The following GNB3 variants were observed in gnomAD, a reference collection of about 807,000 sequenced individuals.
The protein encoded by GNB3 is G protein subunit beta 3, also known as guanine nucleotide-binding protein G(I)/G(S)/G(T) subunit beta-3.
Under a neutral mutation model 41.2 loss-of-function variants are expected in GNB3, and 33 were observed. The ratio of observed to expected loss-of-function variants is 0.80; its 90% CI spans 0.61 to 1.07. The LOEUF (loss-of-function observed/expected upper bound fraction) is 1.07, where lower values mean the gene tolerates loss of function less well. GNB3 is among the 50% of genes least tolerant of loss of function. The probability of loss-of-function intolerance (pLI) is 0.00; values close to 1 mark genes in which losing one functional copy is unlikely to be tolerated. For synonymous variants in GNB3, 172 were observed against 173.4 expected (o/e 0.99, Z 0.06); for missense variants, 409 against 455.3 (o/e 0.90, Z 0.92).
chr12:6,845,292 G>A (rs932954631), intron 8 of GNB3: 22 of 366,866 alleles, frequency 6.0e-5, no homozygotes, highest in East Asian at 4.6e-4. Context: ...GACAACCTCC[G>A]TCCGCCCTTC....
At position 6,843,500 on chromosome 12, in the gene GNB3, C is replaced by T; in HGVS notation, c.405C>T (p.Val135=). ...AATCCCGTGAGGGCAATGTCAAGGT[C>T]AGCCGGGAGCTTTCTGCTCACACAG... ...NLKSREGNVK[V]SRELSAHTGY... The change falls in exon 6 of 10, where the codon GTC becomes GTT. Residue 135 remains valine (V), a synonymous_variant. Coordinates refer to ENST00000229264, the MANE Select transcript of GNB3 (RefSeq NM_002075.4). The surrounding 1 kb of genome is among the most constrained non-coding windows in gnomAD (Gnocchi z 5.9). 2 of 1,614,208 alleles carry T rather than the reference C, an allele frequency of 1.2e-6. No homozygotes were observed. Among genetic ancestry groups the T allele is most frequent in the South Asian group, 1.1e-5 (1 of 91,090 alleles).
rs781969524 is a variant in GNB3 at position 6,847,199 on chromosome 12, C to T, written c.*301C>T. On this transcript the variant is annotated 3_prime_UTR_variant, in exon 10 of 10. Coordinates refer to ENST00000229264, the MANE Select transcript of GNB3 (RefSeq NM_002075.4). ...CTTTGCAGGCCCAGCAGACTTGAGTCTGAGGCCCCAGGCCCTAGGATTCCT... is the reference window on the plus strand; with the variant it reads ...CTTTGCAGGCCCAGCAGACTTGAGTTTGAGGCCCCAGGCCCTAGGATTCCT... The T allele has an allele frequency of 2.1e-4, 77 of 373,810 alleles. No homozygotes were observed. Among genetic ancestry groups the T allele is most frequent in the Non-Finnish European group, 3.5e-4 (71 of 200,588 alleles). 23.2% of individuals were successfully genotyped at this position (373,810 alleles called of 1,614,324 possible). A position where few individuals can be genotyped will look rare whatever the true frequency, so the allele number is the denominator to read the frequency against.
Position 6,841,242 on chromosome 12 carries a change from C to A in GNB3, c.-30-16C>A. The stretch of plus-strand genomic sequence containing the variant: ...TGGTGGGGGGTTCCTCAACACCGAC[C>A]CCATGTTCCTGGCAGGAGCCAGAGT... On this transcript the variant is annotated splice_polypyrimidine_tract_variant and intron_variant, in intron 1 of 9. Coordinates refer to ENST00000229264, the MANE Select transcript of GNB3 (RefSeq NM_002075.4). 1 of 1,552,372 alleles carries A rather than the reference C, an allele frequency of 6.4e-7. No homozygotes were observed. The highest frequency in any genetic ancestry group is 8.9e-7 in the Non-Finnish European group (1 of 1,129,468).
chr12:6,841,064 C>T lies in GNB3; in HGVS notation c.-31+31C>T, dbSNP rs532835466. ...AGGGAGCTGGCCTGGGCTCTGCTCT[C>T]CTGGGCTGGGGCGCAGGCAGGGCTC... On this transcript the variant is annotated intron_variant, in intron 1 of 9. Transcript: ENST00000229264. 13 of 591,802 alleles carry T rather than the reference C, an allele frequency of 2.2e-5. 1 individual carries two copies. The highest frequency in any genetic ancestry group is 1.8e-4 in the African/African-American group (9 of 49,152). 36.7% of individuals were successfully genotyped at this position (591,802 alleles called of 1,614,324 possible). A position where few individuals can be genotyped will look rare whatever the true frequency, so the allele number is the denominator to read the frequency against.
rs1943678216 is a variant in GNB3 at position 6,845,661 on chromosome 12, C to T, written c.775C>T (p.Gln259Ter). 1 of 1,614,020 alleles carries T rather than the reference C, an allele frequency of 6.2e-7. No homozygotes were observed. ...CCGCTTGTTTGACCTGCGGGCAGAC[C>T]AGGAGCTGATCTGCTTCTCCCACGA... ...SCRLFDLRAD[Q>*]ELICFSHESI... Residue 259 changes from glutamine (Q) to a stop codon, truncating the protein, a stop_gained, in exon 9 of 10, where the codon CAG (glutamine) becomes TAG (stop). Coordinates refer to ENST00000229264, the MANE Select transcript of GNB3 (RefSeq NM_002075.4). LOFTEE classifies it high-confidence loss of function.
rs367621075 is a variant in GNB3 at position 6,846,918 on chromosome 12, G to A, written c.*20G>A. The A allele has an allele frequency of 2.8e-5, 39 of 1,375,634 alleles. No homozygotes were observed. The highest frequency in any genetic ancestry group is 4.0e-5 in the Non-Finnish European group (39 of 982,042). The allele number at this position is 1,375,634 out of a possible 1,614,324, so 85.2% of individuals were successfully genotyped here. On this transcript the variant is annotated 3_prime_UTR_variant, in exon 10 of 10. Transcript: ENST00000229264. Reference sequence around the variant, plus strand: ...AACTGAGGAGGCTGGAGAAAGGGAAGTGGAAGGCAGTGAACACACTCAGCA... The same window carrying A: ...AACTGAGGAGGCTGGAGAAAGGGAAATGGAAGGCAGTGAACACACTCAGCA...
chr12:6,841,657 TG>T, intron 3 of GNB3, 33 bp downstream of exon 3: 5 of 1,571,052 alleles, frequency 3.2e-6, no homozygotes, highest in East Asian at 2.3e-5. Context: ...AGGCAGGGCA[TG>T]GGGGGAGGGG....
At chr12:6,842,859 G>A in intron 3 of GNB3, 111 bp from the exon 4 acceptor site, 1 of 655,976 alleles carries the variant, frequency 1.5e-6, no homozygotes, top group Non-Finnish European at 2.6e-6. Context: ...AAGGCTGGGG[G>A]CCTGACCTAG....
In GNB3 at chr12:6,846,786, C is replaced by T. The variant is rs1194594740; in HGVS notation, c.917-6C>T. 1 of 1,553,314 alleles carries T rather than the reference C, an allele frequency of 6.4e-7. No homozygotes were observed. The highest frequency in any genetic ancestry group is 1.2e-5 in the South Asian group (1 of 85,698). ...AGACAGGCTGACTCCTTTCCCTCTT[C>T]CTCAGGCATCCTCTCTGGCCACGAT... On this transcript the variant is annotated splice_polypyrimidine_tract_variant and splice_region_variant and intron_variant, in intron 9 of 9. Coordinates refer to ENST00000229264, the MANE Select transcript of GNB3 (RefSeq NM_002075.4).
At chr12:6,846,018 A>C in intron 9 of GNB3, 6 of 552,696 alleles carry the variant, frequency 1.1e-5, no homozygotes, top group Admixed American at 3.1e-5. Context: ...CCACTGCCCA[A>C]TGCCATGACT....
At chr12:6,846,552 G>A (rs1328776647) in intron 9 of GNB3, 1 of 413,086 alleles carries the variant, frequency 2.4e-6, no homozygotes. Flanking sequence ...CAGTCTCTTA[G>A]CCTTCTTCAG....
At chr12:6,842,268 G>T (rs1437673010) in intron 3 of GNB3, among the ~76,000 whole-genome samples, 2 of 152,170 alleles carry the variant, frequency 1.3e-5, no homozygotes, top group Non-Finnish European at 2.9e-5. Flanking sequence ...AACAAAGCAG[G>T]CCGGGCGCAG....
rs782463476 is a variant in GNB3, at chr12:6,841,626, T to G, written c.96+2T>G. 9 of 1,611,128 alleles carry G rather than the reference T, an allele frequency of 5.6e-6. No individual in the cohort carries two copies. The African/African-American group carries it at 1.2e-4, about 22-fold the overall frequency. On this transcript the variant is annotated splice_donor_variant, in intron 3 of 9. Transcript: ENST00000229264. LOFTEE classifies it high-confidence loss of function. ...TGTGCTGACGTTACTCTGGCAGAGG[T>G]AAGACCCCCTGTCCCCCGGAAGGCA... is the stretch of plus-strand genomic sequence containing the variant.
rs781906487 is a variant in GNB3 at position 6,843,993 on chromosome 12, C to G, written c.699+15C>G. 1.3e-6 allele frequency: 2 copies of G among 1,587,274 alleles called. No individual in the cohort carries two copies. The highest frequency in any genetic ancestry group is 1.3e-5 in the African/African-American group (1 of 74,566). The stretch of plus-strand genomic sequence containing the variant: ...ACGCCATCTGTGTGAGTGCACCCCC[C>G]ACCCCAGCTTCACTCCAACTCCTTC... On this transcript the variant is annotated intron_variant, in intron 8 of 9. Transcript: ENST00000229264. This position sits in a 1 kb window ranked among gnomAD's most constrained non-coding sequence, Gnocchi z 5.9.
At position 6,843,487 on chromosome 12, in the gene GNB3, G is replaced by T. The variant is rs1943615283; in HGVS notation, c.392G>T (p.Gly131Val). 1 of 1,614,176 alleles carries T rather than the reference G, an allele frequency of 6.2e-7. No individual in the cohort carries two copies. Among genetic ancestry groups the T allele is most frequent in the East Asian group, 2.2e-5 (1 of 44,886 alleles). The change falls in exon 6 of 10, where the codon GGC becomes GTC. Residue 131 changes from glycine (G) to valine (V), a missense_variant. Gly to Val is a moderately radical substitution (Grantham distance 109). Transcript: ENST00000229264. The surrounding 1 kb of genome is among the most constrained non-coding windows in gnomAD (Gnocchi z 5.9). ...ATCTACAACCTCAAATCCCGTGAGG[G>T]CAATGTCAAGGTCAGCCGGGAGCTT... ...CSIYNLKSRE[G>V]NVKVSRELSA...
At chr12:6,841,383 G>T in intron 2 of GNB3, 39 bp downstream of exon 2, 1 of 1,575,560 alleles carries the variant, frequency 6.3e-7, no homozygotes, top group East Asian at 2.3e-5. Context: ...CCAGAAAACA[G>T]CTGGGGACAT....
At position 6,846,865 on chromosome 12, in the gene GNB3, TTCCTGGGACAGCTTCCTCAAAATC is replaced by T. The variant is rs1234729439; in HGVS notation, c.992_1015del (p.Ser331_Ile338del). ...CTGACGGGATGGCTGTGGCCACAGG[TTCCTGGGACAGCTTCCTCAAAATC>T]TGGAACTGAGGAGGCTGGAGAAAGG... On this transcript the variant is annotated inframe_deletion, in exon 10 of 10. Coordinates refer to ENST00000229264, the MANE Select transcript of GNB3 (RefSeq NM_002075.4). The T allele has an allele frequency of 6.3e-7, 1 of 1,597,646 alleles. No individual in the cohort carries two copies. The highest frequency in any genetic ancestry group is 1.3e-5 in the African/African-American group (1 of 74,752).
chr12:6,843,491 T>C lies in GNB3; in HGVS notation c.396T>C (p.Asn132=), dbSNP rs781865215. ...SIYNLKSREG[N]VKVSRELSAH... ...ACAACCTCAAATCCCGTGAGGGCAA[T>C]GTCAAGGTCAGCCGGGAGCTTTCTG... Residue 132 remains asparagine, a synonymous_variant, in exon 6 of 10, where the codon AAT becomes AAC. Transcript: ENST00000229264. This position sits in a 1 kb window ranked among gnomAD's most constrained non-coding sequence, Gnocchi z 5.9. 1.2e-6 allele frequency: 2 copies of C among 1,614,124 alleles called. No homozygotes were observed. Among genetic ancestry groups the C allele is most frequent in the Admixed American group, 1.7e-5 (1 of 60,020 alleles).
At position 6,846,832 on chromosome 12, in the gene GNB3, AG is replaced by A; in HGVS notation, c.958del (p.Val320SerfsTer63). ...ACGATAACAGGGTGAGCTGCCTGGG[AG>A]TCACAGCTGACGGGATGGCTGTGGC... ...GHDNRVSCLG[V>X]TADGMAVATG... On this transcript the variant is annotated frameshift_variant, in exon 10 of 10. Coordinates refer to ENST00000229264, the MANE Select transcript of GNB3 (RefSeq NM_002075.4). LOFTEE classifies it high-confidence loss of function. 6.2e-7 allele frequency: 1 copy of A among 1,602,348 alleles called. No individual in the cohort carries two copies. The highest frequency in any genetic ancestry group is 8.5e-7 in the Non-Finnish European group (1 of 1,174,374).
Sources: gnomAD v4.1 joint callset for allele counts (sites outside exome capture counted in the v4.1 genomes callset) on GRCh38, gnomAD v4.1.1 for gene constraint, Gnocchi (gnomAD v3.1) non-coding constraint, MANE v1.5 for transcripts, NCBI Gene and HGNC (gene_info 2026-07-23, HGNC 2026-07-21) for gene names.